MN1: variants seen among roughly 807,000 people sequenced by gnomAD.
The protein encoded by MN1 is transcriptional activator MN1.
A neutral mutation model predicts 86.9 loss-of-function variants in MN1; 19 were observed. That is an observed-to-expected ratio of 0.22 (90% confidence interval 0.15 to 0.32). The LOEUF is 0.32. Among genes scored for constraint, MN1 ranks in the 10% least tolerant of loss-of-function variants. The probability of loss-of-function intolerance (pLI) is 1.00; values close to 1 mark genes in which losing one functional copy is unlikely to be tolerated. For synonymous variants in MN1, 928 were observed against 849.6 expected, an observed-to-expected ratio of 1.09 and a Z score of -1.60; for missense variants, 1,841 against 1,862.0, an observed-to-expected ratio of 0.99 and a Z score of 0.21.
At chr22:27,760,404 G>A (rs1054529113) in intron 1 of MN1, among the ~76,000 whole-genome samples, 1 of 152,028 alleles carries the variant, frequency 6.6e-6, no homozygotes, top group Non-Finnish European at 1.5e-5. Context: ...AGCTGCTTGG[G>A]AGGCTGGTGC....
intron 1 of MN1, among the ~76,000 whole-genome samples, chr22:27,787,551 G>T (rs1341994734): frequency 6.6e-6 from 1 of 152,094 alleles, no homozygotes; most frequent in African/African-American, 2.4e-5. Context: ...TCAGAGAAAG[G>T]AAAAATATAT....
In MN1 at chr22:27,763,915, C is replaced by G. The variant is rs3819655; in HGVS notation, c.3782-12819G>C. ...ATCCTGGAAGACTTCACAGAGGAGG[C>G]GGTGTGCAAGTAGGGGGTTAAGCAA... is the stretch of plus-strand genomic sequence containing the variant. On this transcript the variant is annotated intron_variant, in intron 1 of 1. Transcript: ENST00000302326. Among the ~76,000 whole-genome samples the G allele has an allele frequency of 3.5e-3, 539 of 152,222 alleles. 22 individuals are homozygous for G. In the East Asian group the frequency reaches 0.086, roughly 24 times the overall value.
Position 27,797,932 on chromosome 22 carries a change from G to A in MN1, c.2612C>T (p.Ala871Val), listed in dbSNP as rs776690759. 3 of 1,599,204 alleles carry A rather than the reference G, an allele frequency of 1.9e-6. No homozygotes were observed. Among genetic ancestry groups the A allele is most frequent in the Non-Finnish European group, 2.6e-6 (3 of 1,172,482 alleles). The change falls in exon 1 of 2, where the codon GCC becomes GTC. Residue 871 changes from alanine (A) to valine (V), a missense_variant. Coordinates refer to ENST00000302326, the MANE Select transcript of MN1 (RefSeq NM_002430.3). ...GAAGTAATCCGAGCCCGGGTTGCCG[G>A]CCACTGCCGCGCCGTCGGTCTCGTT... ...SQNETDGAAVAGNPGSDYFPG... is the reference protein window; with the variant it reads ...SQNETDGAAVVGNPGSDYFPG...
chr22:27,776,418 A>G (rs745551212), intron 1 of MN1, among the ~76,000 whole-genome samples: 11 of 152,238 alleles, frequency 7.2e-5, no homozygotes, highest in Non-Finnish European at 1.2e-4. Context: ...AGGCAGGCCC[A>G]GGCAGATGGA....
At chr22:27,783,275 C>T (rs1408613185) in intron 1 of MN1, among the ~76,000 whole-genome samples, 1 of 151,984 alleles carries the variant, frequency 6.6e-6, no homozygotes, top group Non-Finnish European at 1.5e-5. Context: ...GCTGGGATTA[C>T]AGACACCCAC....
chr22:27,785,610 G>A (rs1056745030), intron 1 of MN1, among the ~76,000 whole-genome samples: 1 of 152,188 alleles, frequency 6.6e-6, no homozygotes, highest in Non-Finnish European at 1.5e-5. Context: ...CGAGCGTGGG[G>A]GCTCTTGCAA....
At chr22:27,765,233 G>A (rs1441459854) in intron 1 of MN1, among the ~76,000 whole-genome samples, 1 of 152,252 alleles carries the variant, frequency 6.6e-6, no homozygotes. Context: ...CAGGCACCCA[G>A]TAGGTGCTCA....
In MN1 at chr22:27,799,209, G is replaced by T; in HGVS notation, c.1335C>A (p.Phe445Leu). ...CCACGTTCATGTAGGGGGGCGCGTC[G>T]AAATGCTGCAGCCGCTGGTTGGGCG... ...QQAPNQRLQH[F>L]DAPPYMNVAK... is the part of the protein sequence containing the mutation. Residue 445 changes from phenylalanine to leucine, a missense_variant, in exon 1 of 2, where the codon TTC (phenylalanine) becomes TTA (leucine). Transcript: ENST00000302326. 1 of 1,602,384 alleles carries T rather than the reference G, an allele frequency of 6.2e-7. No individual in the cohort carries two copies.
chr22:27,760,665 C>T (rs1375140922), intron 1 of MN1, among the ~76,000 whole-genome samples: 1 of 152,140 alleles, frequency 6.6e-6, no homozygotes, highest in Non-Finnish European at 1.5e-5. Flanking sequence ...CAACAGCCTG[C>T]GTGACACTCT....
chr22:27,790,920 A>G (rs1306301312), intron 1 of MN1, among the ~76,000 whole-genome samples: 1 of 152,058 alleles, frequency 6.6e-6, no homozygotes, highest in East Asian at 1.9e-4. Context: ...TCCTCCCTCT[A>G]TTTTTAGGAC....
chr22:27,770,806 A>G (rs1932907900), intron 1 of MN1, among the ~76,000 whole-genome samples: 1 of 150,472 alleles, frequency 6.6e-6, no homozygotes, highest in Non-Finnish European at 1.5e-5. Flanking sequence ...TATAGGCATG[A>G]GCCACCATGC....
At position 27,797,231 on chromosome 22, in the gene MN1, G is replaced by A. The variant is rs1933314025; in HGVS notation, c.3313C>T (p.Leu1105=). Residue 1105 remains leucine, a synonymous_variant, in exon 1 of 2, where the codon CTG becomes TTG. Coordinates refer to ENST00000302326, the MANE Select transcript of MN1 (RefSeq NM_002430.3). Reference sequence around the variant, plus strand: ...GAGGTAGAGTTAGACATGATGCCCAGGCCGAGGGCGGGCGGGGGCGCCTTC... The same window carrying A: ...GAGGTAGAGTTAGACATGATGCCCAAGCCGAGGGCGGGCGGGGGCGCCTTC... ...GPKAPPPALG[L]GIMSNSTSTP... The A allele has an allele frequency of 1.3e-6, 2 of 1,565,544 alleles. No homozygotes were observed. Among genetic ancestry groups the A allele is most frequent in the East Asian group, 4.7e-5 (2 of 42,836 alleles).
In MN1 at chr22:27,798,466, G is replaced by C. The variant is rs1467950542; in HGVS notation, c.2078C>G (p.Pro693Arg). Residue 693 changes from proline to arginine, a missense_variant, in exon 1 of 2, where the codon CCC (proline) becomes CGC (arginine). By Grantham distance (103) the Pro-to-Arg change is moderately radical. Coordinates refer to ENST00000302326, the MANE Select transcript of MN1 (RefSeq NM_002430.3). ...CTGCAGGCCCGGTGAAGGCAGCGCG[G>C]GCACGTGGCCCTCTCCGGGCATCCT... ...PMRMPGEGHV[P>R]ALPSPGLQFG... The C allele has an allele frequency of 6.4e-7, 1 of 1,566,254 alleles. No homozygotes were observed. The highest frequency in any genetic ancestry group is 8.6e-7 in the Non-Finnish European group (1 of 1,165,486).
In MN1 at chr22:27,801,397, GTGTC is replaced by G. The variant is rs925011807; in HGVS notation, c.-858_-855del. The G allele has an allele frequency of 4.7e-6, 1 of 212,426 alleles. No homozygotes were observed. Among genetic ancestry groups the G allele is most frequent in the African/African-American group, 2.3e-5 (1 of 43,978 alleles). The allele number at this position is 212,426 out of a possible 1,614,324, so 13.2% of individuals were successfully genotyped here. A position where few individuals can be genotyped will look rare whatever the true frequency, so the allele number is the denominator to read the frequency against. On this transcript the variant is annotated 5_prime_UTR_variant, in exon 1 of 2. Coordinates refer to ENST00000302326, the MANE Select transcript of MN1 (RefSeq NM_002430.3). Reference sequence around the variant, plus strand: ...TGCCGCTTCTGTTCTCCGCCGTTGGGTGTCTGAGTTCGCCGGAGTCTCCGCGCAC... The same window carrying G: ...TGCCGCTTCTGTTCTCCGCCGTTGGGTGAGTTCGCCGGAGTCTCCGCGCAC...
At position 27,780,019 on chromosome 22, in the gene MN1, C is replaced by G. The variant is rs548583330; in HGVS notation, c.3781+16744G>C. ...CACCCTGTCCTAGGGGACAGCCTAA[C>G]TTGCCCTAACCTATGGCCCAGGGGC... On this transcript the variant is annotated intron_variant, in intron 1 of 1. Coordinates refer to ENST00000302326, the MANE Select transcript of MN1 (RefSeq NM_002430.3). Among the ~76,000 whole-genome samples the G allele has an allele frequency of 7.2e-5, 11 of 152,292 alleles. No individual in the cohort carries two copies. The South Asian group carries it at 2.1e-3, about 29-fold the overall frequency.
chr22:27,762,127 C>T (rs1568972121), intron 1 of MN1, among the ~76,000 whole-genome samples: 1 of 152,148 alleles, frequency 6.6e-6, no homozygotes, highest in Non-Finnish European at 1.5e-5. Flanking sequence ...CAGCCAGTGA[C>T]CTGTGACAGA....
intron 1 of MN1, among the ~76,000 whole-genome samples, chr22:27,794,112 A>G (rs1933251635): frequency 6.6e-6 from 1 of 152,070 alleles, no homozygotes; most frequent in Non-Finnish European, 1.5e-5. Flanking sequence ...ACATTTTGCT[A>G]TGATTTTTTT....
intron 1 of MN1, among the ~76,000 whole-genome samples, chr22:27,768,763 G>A (rs1932889943): frequency 6.6e-6 from 1 of 152,168 alleles, no homozygotes; most frequent in African/African-American, 2.4e-5. Context: ...CTATGATCAT[G>A]CCACTGCACT....
intron 1 of MN1, among the ~76,000 whole-genome samples, chr22:27,777,892 A>G (rs1933000515): frequency 6.6e-6 from 1 of 151,966 alleles, no homozygotes; most frequent in Non-Finnish European, 1.5e-5. Flanking sequence ...AAAAAAAAGA[A>G]AGAAAGAAAA....
Sources: gnomAD v4.1 joint callset for allele counts (sites outside exome capture counted in the v4.1 genomes callset) on GRCh38, gnomAD v4.1.1 for gene constraint, MANE v1.5 for transcripts, NCBI Gene and HGNC (gene_info 2026-07-23, HGNC 2026-07-21) for gene names.